FBXL17: variants seen among roughly 807,000 people sequenced by gnomAD.
FBXL17 encodes the protein F-box and leucine rich repeat protein 17.
FBXL17 carries 22 observed loss-of-function variants against 66.2 expected under a neutral mutation model. That is an observed-to-expected ratio of 0.33 (90% confidence interval 0.24 to 0.47). The LOEUF is 0.47. FBXL17 is among the 20% of genes least tolerant of loss of function. FBXL17 has a pLI of 1.00. For synonymous variants in FBXL17, 474 were observed against 400.5 expected, an observed-to-expected ratio of 1.18 and a Z score of -2.19; for missense variants, 878 against 948.2, an observed-to-expected ratio of 0.93 and a Z score of 0.97.
intron 3 of FBXL17, among the ~76,000 whole-genome samples, chr5:108,354,646 A>G (rs7725340): frequency 0.068 from 10,397 of 151,870 alleles, 1,201 homozygotes; most frequent in African/African-American, 0.24. Flanking sequence ...AGAGAATACC[A>G]TGAAGGAAAA....
chr5:108,086,979 T>C (rs1287018141), intron 6 of FBXL17, among the ~76,000 whole-genome samples: 1 of 152,042 alleles, frequency 6.6e-6, no homozygotes, highest in Non-Finnish European at 1.5e-5. Flanking sequence ...GGGGCCTCAG[T>C]CACCTTGCTA....
chr5:107,910,475 T>C (rs570086886), intron 7 of FBXL17, among the ~76,000 whole-genome samples: 1 of 152,114 alleles, frequency 6.6e-6, no homozygotes, highest in East Asian at 1.9e-4. Flanking sequence ...GATGGTCCAG[T>C]AGTGTAAGTA....
chr5:107,962,227 A>C (rs2112630290), intron 7 of FBXL17, among the ~76,000 whole-genome samples: 1 of 152,290 alleles, frequency 6.6e-6, no homozygotes, highest in African/African-American at 2.4e-5. Flanking sequence ...AAACTGGTAA[A>C]CTTTATGTTA....
At chr5:107,998,907 C>G (rs1379240136) in intron 7 of FBXL17, among the ~76,000 whole-genome samples, 2 of 152,162 alleles carry the variant, frequency 1.3e-5, no homozygotes, top group Non-Finnish European at 2.9e-5. Flanking sequence ...ACACCTTACT[C>G]CAAACCCCCT....
At position 108,080,842 on chromosome 5, in the gene FBXL17, G is replaced by GTAGA. The variant is rs368944502; in HGVS notation, c.1746-59845_1746-59842dup. Among the ~76,000 whole-genome samples the GTAGA allele has an allele frequency of 4.8e-3, 734 of 152,296 alleles. 4 individuals are homozygous for GTAGA. Among genetic ancestry groups the GTAGA allele is most frequent in the African/African-American group, 0.017 (711 of 41,562 alleles). ...TCCTGGGGACCAAGGTTCTTATTAT[G>GTAGA]TAGATGAAGCCTCCAAGTAGCAGGT... On this transcript the variant is annotated intron_variant, in intron 6 of 8. Coordinates refer to ENST00000542267, the MANE Select transcript of FBXL17 (RefSeq NM_001163315.3).
chr5:107,988,762 A>G (rs962911597), intron 7 of FBXL17, among the ~76,000 whole-genome samples: 1 of 152,016 alleles, frequency 6.6e-6, no homozygotes, highest in Non-Finnish European at 1.5e-5. Flanking sequence ...TTAAAAGTGA[A>G]TAAGAGCATG....
In FBXL17 at chr5:108,326,935, T is replaced by A. The variant is rs575272626; in HGVS notation, c.1506+21464A>T. 2.0e-5 allele frequency among the ~76,000 whole-genome samples: 3 copies of A among 152,292 alleles called. No homozygotes were observed. In the East Asian group the frequency reaches 5.8e-4, roughly 29 times the overall value. The stretch of plus-strand genomic sequence containing the variant: ...TTTCTCACAAAGTTCAAGTTAAACA[T>A]ACACTTCCCAAACAACTCAGCCAAC... On this transcript the variant is annotated intron_variant, in intron 4 of 8. Coordinates refer to ENST00000542267, the MANE Select transcript of FBXL17 (RefSeq NM_001163315.3).
intron 3 of FBXL17, among the ~76,000 whole-genome samples, chr5:108,353,291 C>A (rs2112503547): frequency 6.6e-6 from 1 of 152,282 alleles, no homozygotes; most frequent in African/African-American, 2.4e-5. Context: ...CACAACTCAC[C>A]AGAAGAGAAA....
At chr5:108,236,453 C>T (rs1477923440) in intron 4 of FBXL17, among the ~76,000 whole-genome samples, 3 of 151,700 alleles carry the variant, frequency 2.0e-5, no homozygotes, top group African/African-American at 4.8e-5. Context: ...GTGGAGGTTG[C>T]AGTGAGCAGA....
At chr5:107,973,977 C>T (rs1752486763) in intron 7 of FBXL17, among the ~76,000 whole-genome samples, 1 of 152,072 alleles carries the variant, frequency 6.6e-6, no homozygotes, top group South Asian at 2.1e-4. Flanking sequence ...CCATCCGTTG[C>T]TTTCCTTTAG....
intron 7 of FBXL17, among the ~76,000 whole-genome samples, chr5:107,999,611 A>T (rs1167365043): frequency 1.3e-5 from 2 of 150,434 alleles, no homozygotes; most frequent in African/African-American, 4.9e-5. Context: ...TCTTCCCTTC[A>T]TTCTCATATT....
In FBXL17 at chr5:108,381,992, C is replaced by T; in HGVS notation, c.-301G>A. On this transcript the variant is annotated 5_prime_UTR_variant, in exon 1 of 9. Transcript: ENST00000542267. ...CTGCCGGCTAGGCGACCAGTCCGGG[C>T]CCGGCCAGCCGGCTCAGTCAGTCAG... The T allele has an allele frequency of 7.7e-6, 9 of 1,176,142 alleles. No homozygotes were observed. The highest frequency in any genetic ancestry group is 9.5e-6 in the Non-Finnish European group (9 of 949,874). 72.9% of individuals were successfully genotyped at this position (1,176,142 alleles called of 1,614,324 possible). A position where few individuals can be genotyped will look rare whatever the true frequency, so the allele number is the denominator to read the frequency against.
Position 108,236,220 on chromosome 5 carries a change from C to A in FBXL17, c.1507-11992G>T, listed in dbSNP as rs561950850. Among the ~76,000 whole-genome samples the A allele has an allele frequency of 1.1e-4, 16 of 149,054 alleles. No individual in the cohort carries two copies. The East Asian group carries it at 2.0e-3, about 19-fold the overall frequency. On this transcript the variant is annotated intron_variant, in intron 4 of 8. Transcript: ENST00000542267. ...GTGAGACCCTGTCTCTTAAAAAAAA[C>A]AAGCAAACAGGCCAGGCAGGGTGGC...
intron 7 of FBXL17, among the ~76,000 whole-genome samples, chr5:107,951,420 C>T (rs1441277999): frequency 2.0e-5 from 3 of 152,326 alleles, no homozygotes; most frequent in East Asian, 3.9e-4. Context: ...ACTGCCAGTG[C>T]ATTCTGGCAG....
rs992177863 is a variant in FBXL17, at chr5:108,161,954, A to G, written c.1745+24163T>C. Among the ~76,000 whole-genome samples, 3 of 152,234 alleles carry G rather than the reference A, an allele frequency of 2.0e-5. No individual in the cohort carries two copies. The South Asian group carries it at 6.2e-4, about 32-fold the overall frequency. On this transcript the variant is annotated intron_variant, in intron 6 of 8. Coordinates refer to ENST00000542267, the MANE Select transcript of FBXL17 (RefSeq NM_001163315.3). ...CACGTATGCAAATTGGAGACCATTA[A>G]TTATAGGAACAGCAAATAAGGTTTC...
intron 7 of FBXL17, among the ~76,000 whole-genome samples, chr5:107,918,649 T>C (rs1750211966): frequency 6.6e-6 from 1 of 152,228 alleles, no homozygotes; most frequent in South Asian, 2.1e-4. Context: ...TATATATCAA[T>C]ATCAGTATCT....
chr5:107,881,315 A>T (rs1484423669), intron 7 of FBXL17, 136 bp from the exon 8 acceptor site: 1 of 532,670 alleles, frequency 1.9e-6, no homozygotes, highest in Non-Finnish European at 3.3e-6. Context: ...TATAAACTAA[A>T]CTAAATTTGA....
intron 7 of FBXL17, among the ~76,000 whole-genome samples, chr5:108,013,510 C>T (rs1754262226): frequency 6.6e-6 from 1 of 152,182 alleles, no homozygotes; most frequent in African/African-American, 2.4e-5. Context: ...CATGTCTCCT[C>T]TTCCACAAAT....
At chr5:107,941,590 C>T (rs745784123) in intron 7 of FBXL17, among the ~76,000 whole-genome samples, 6 of 152,182 alleles carry the variant, frequency 3.9e-5, no homozygotes, top group Non-Finnish European at 8.8e-5. Flanking sequence ...TGCTTGGGAA[C>T]GTTAAATAGG....
Sources: gnomAD v4.1 joint callset for allele counts (sites outside exome capture counted in the v4.1 genomes callset) on GRCh38, gnomAD v4.1.1 for gene constraint, MANE v1.5 for transcripts, NCBI Gene and HGNC (gene_info 2026-07-23, HGNC 2026-07-21) for gene names.